Variants in DLGAP2 observed in about 807,000 individuals in gnomAD.
DLGAP2 encodes DLG associated protein 2.
In DLGAP2, 26 loss-of-function variants were observed where a neutral mutation model predicts 100.3. The ratio of observed to expected loss-of-function variants is 0.26; its 90% CI spans 0.19 to 0.36. DLGAP2 has a LOEUF of 0.36. DLGAP2 is among the 10% of genes least tolerant of loss of function. The pLI, the probability that DLGAP2 is intolerant of heterozygous loss-of-function variation, is 1.00. For synonymous variants in DLGAP2, 886 were observed against 630.1 expected (o/e 1.41, Z -6.08); for missense variants, 1,858 against 1,453.2 (o/e 1.28, Z -4.53).
intron 2 of DLGAP2, among the ~76,000 whole-genome samples, chr8:1,067,135 T>C (rs747604456): frequency 6.6e-6 from 1 of 152,204 alleles, no homozygotes; most frequent in Admixed American, 6.5e-5. Context: ...CTCTGTGATC[T>C]TCCCATTCTT....
intron 2 of DLGAP2, among the ~76,000 whole-genome samples, chr8:914,190 A>C (rs537477223): frequency 6.6e-6 from 1 of 152,230 alleles, no homozygotes; most frequent in Admixed American, 6.5e-5. Context: ...TCACGCAGTG[A>C]GAACAGCAAA....
At chr8:1,327,701 G>A (rs1430134057) in intron 3 of DLGAP2, among the ~76,000 whole-genome samples, 3 of 151,912 alleles carry the variant, frequency 2.0e-5, no homozygotes, top group Admixed American at 6.6e-5. Flanking sequence ...AAAACTATCC[G>A]GGCGTCGTGG....
At chr8:1,006,195 A>G (rs1801104099) in intron 2 of DLGAP2, among the ~76,000 whole-genome samples, 1 of 152,162 alleles carries the variant, frequency 6.6e-6, no homozygotes, top group Non-Finnish European at 1.5e-5. Context: ...TCTCAAAAAG[A>G]AAAGAAGAAA....
chr8:1,177,200 C>G (rs746317299), intron 2 of DLGAP2, among the ~76,000 whole-genome samples: 28 of 152,168 alleles, frequency 1.8e-4, no homozygotes, highest in Non-Finnish European at 3.5e-4. Context: ...TACATCTTTT[C>G]TTGCAGTTCA....
At chr8:1,188,071 G>T (rs1449493831) in intron 2 of DLGAP2, among the ~76,000 whole-genome samples, 1 of 131,934 alleles carries the variant, frequency 7.6e-6, no homozygotes, top group Non-Finnish European at 1.5e-5. Flanking sequence ...CGGGACCTCC[G>T]TGACGTTTGC....
intron 5 of DLGAP2, among the ~76,000 whole-genome samples, chr8:1,556,167 C>G (rs980827283): frequency 6.6e-6 from 1 of 152,238 alleles, no homozygotes; most frequent in Non-Finnish European, 1.5e-5. Flanking sequence ...TATGCCATGA[C>G]GGCCACCGAG....
chr8:1,296,335 T>C (rs1028476987), intron 3 of DLGAP2: 3 of 152,188 alleles, frequency 2.0e-5, no homozygotes, highest in Non-Finnish European at 2.9e-5. Context: ...CCGAGTGCCT[T>C]AAAGAGACTT....
intron 3 of DLGAP2, among the ~76,000 whole-genome samples, chr8:1,278,208 A>G (rs1161046155): frequency 1.3e-5 from 2 of 152,206 alleles, no homozygotes; most frequent in East Asian, 3.8e-4. Flanking sequence ...TGCGTCGGAC[A>G]AGCCACTCAC....
At chr8:954,231 C>T (rs1799546289) in intron 2 of DLGAP2, among the ~76,000 whole-genome samples, 1 of 152,214 alleles carries the variant, frequency 6.6e-6, no homozygotes, top group African/African-American at 2.4e-5. Context: ...GATCTATTCT[C>T]AGCACATTTT....
At chr8:1,176,663 G>T (rs1013244013) in intron 2 of DLGAP2, among the ~76,000 whole-genome samples, 3 of 152,168 alleles carry the variant, frequency 2.0e-5, no homozygotes, top group Non-Finnish European at 4.4e-5. Context: ...GAGAGGGCAG[G>T]AAGGTGAAGG....
intron 2 of DLGAP2, among the ~76,000 whole-genome samples, chr8:1,221,642 C>G (rs1195082242): frequency 6.6e-6 from 1 of 152,130 alleles, no homozygotes; most frequent in African/African-American, 2.4e-5. Context: ...ATATCAACCT[C>G]TCTGGCAATG....
intron 3 of DLGAP2, among the ~76,000 whole-genome samples, chr8:1,496,181 C>G (rs1416657352): frequency 2.6e-5 from 4 of 152,180 alleles, no homozygotes; most frequent in Non-Finnish European, 5.9e-5. Context: ...TTCCTCTCTT[C>G]TGCCTCTTCA....
intron 2 of DLGAP2, among the ~76,000 whole-genome samples, chr8:1,208,021 G>T (rs777589646): frequency 6.6e-6 from 1 of 152,058 alleles, no homozygotes; most frequent in Non-Finnish European, 1.5e-5. Flanking sequence ...TGGGTTGTCT[G>T]TTTACTCTGC....
intron 3 of DLGAP2, among the ~76,000 whole-genome samples, chr8:1,294,943 G>T (rs752901633): frequency 6.6e-6 from 1 of 151,926 alleles, no homozygotes; most frequent in African/African-American, 2.4e-5. Context: ...TTGTATATTG[G>T]ATATGATATA....
Position 1,632,811 on chromosome 8 carries a change from C to T in DLGAP2, c.1591-16C>T, listed in dbSNP as rs753662881. 6.3e-7 allele frequency: 1 copy of T among 1,593,130 alleles called. No homozygotes were observed. Among genetic ancestry groups the T allele is most frequent in the Non-Finnish European group, 8.6e-7 (1 of 1,168,074 alleles). Reference sequence around the variant, plus strand: ...CTGGAGGGCCGGGGCATCACGTGTGCTGTTGATGATTGCAGGTGAGCGAGG... The same window carrying T: ...CTGGAGGGCCGGGGCATCACGTGTGTTGTTGATGATTGCAGGTGAGCGAGG... On this transcript the variant is annotated splice_polypyrimidine_tract_variant and intron_variant, in intron 7 of 14. Transcript: ENST00000637795.
intron 2 of DLGAP2, among the ~76,000 whole-genome samples, chr8:958,258 C>A (rs1348302625): frequency 6.6e-6 from 1 of 152,050 alleles, no homozygotes; most frequent in Admixed American, 6.6e-5. Context: ...GTGTGGACAC[C>A]CCCCCACCGC....
chr8:1,040,321 A>G (rs34309478), intron 2 of DLGAP2, among the ~76,000 whole-genome samples: 28,270 of 75,158 alleles, frequency 0.38, 2,977 homozygotes, highest in Non-Finnish European at 0.4. Context: ...TGGTCGGCTC[A>G]GTGTGCGTGG....
At chr8:1,132,576 G>A (rs1454030187) in intron 2 of DLGAP2, among the ~76,000 whole-genome samples, 1 of 152,164 alleles carries the variant, frequency 6.6e-6, no homozygotes, top group African/African-American at 2.4e-5. Flanking sequence ...GAACTGAGCT[G>A]GCATGCACTC....
At chr8:1,101,524 C>A (rs552713116) in intron 2 of DLGAP2, among the ~76,000 whole-genome samples, 121 of 152,132 alleles carry the variant, frequency 8.0e-4, no homozygotes, top group South Asian at 5.0e-3. Flanking sequence ...GGTGCCGGGG[C>A]TGGGGGTGGA....
Sources: allele counts gnomAD v4.1 joint callset (sites outside exome capture counted in the v4.1 genomes callset), GRCh38; gene constraint gnomAD v4.1.1; transcripts MANE v1.5; gene names NCBI Gene and HGNC (gene_info 2026-07-23, HGNC 2026-07-21).